Variants in SLC24A2 observed in about 807,000 individuals in gnomAD.
SLC24A2 encodes solute carrier family 24 member 2.
In SLC24A2, 36 loss-of-function variants were observed where a neutral mutation model predicts 62.0. That is an observed-to-expected ratio of 0.58 (90% CI 0.44 to 0.77). The LOEUF is 0.77. Ranked by LOEUF, SLC24A2 falls within the 30% of genes least tolerant of loss-of-function variation. The pLI is 0.00. For missense variants in SLC24A2, 846 were observed against 817.9 expected (o/e 1.03, Z -0.42); for synonymous variants, 358 against 294.0 (o/e 1.22, Z -2.23).
At chr9:20,132,097 A>G in the SLC24A2 span, among the ~76,000 whole-genome samples, 1 of 152,064 alleles carries the variant, frequency 6.6e-6, no homozygotes, top group Non-Finnish European at 1.5e-5. Context: ...TAGCGTCCTC[A>G]TGAGGCAAAC....
the SLC24A2 span, among the ~76,000 whole-genome samples, chr9:20,026,434 A>G: frequency 1.3e-5 from 2 of 152,222 alleles, no homozygotes; most frequent in Non-Finnish European, 2.9e-5. Flanking sequence ...CTATTATTTT[A>G]TCACATTTAA....
the SLC24A2 span, among the ~76,000 whole-genome samples, chr9:19,961,804 C>T: frequency 3.3e-5 from 5 of 152,182 alleles, no homozygotes; most frequent in Non-Finnish European, 7.3e-5. Context: ...TTGTGAGCAG[C>T]GCCATGGGAA....
At position 19,516,100 on chromosome 9, in the gene SLC24A2, C is replaced by G. The variant is rs750488740; in HGVS notation, c.*53G>C. 1.5e-5 allele frequency: 24 copies of G among 1,611,402 alleles called. No individual in the cohort carries two copies. The highest frequency in any genetic ancestry group is 2.0e-5 in the Non-Finnish European group (24 of 1,178,300). ...CTCAAGAGGTCAAGGAGCCCAGAGC[C>G]CAGAGTGTGGAGGGACCATTCATGC... is the stretch of plus-strand genomic sequence containing the variant. On this transcript the variant is annotated 3_prime_UTR_variant, in exon 11 of 11. Coordinates refer to ENST00000341998, the MANE Select transcript of SLC24A2 (RefSeq NM_020344.4).
chr9:20,203,632 C>T, the SLC24A2 span, among the ~76,000 whole-genome samples: 22 of 151,706 alleles, frequency 1.5e-4, no homozygotes, highest in African/African-American at 5.1e-4. Flanking sequence ...TCGCTTGGGG[C>T]CAAGAGTTCA....
At chr9:19,738,660 A>C (rs1446614451) in intron 2 of SLC24A2, among the ~76,000 whole-genome samples, 1 of 152,170 alleles carries the variant, frequency 6.6e-6, no homozygotes, top group African/African-American at 2.4e-5. Flanking sequence ...CATCATGTGA[A>C]TATACTACAA....
the SLC24A2 span, among the ~76,000 whole-genome samples, chr9:19,867,578 C>A: frequency 2.0e-5 from 3 of 152,080 alleles, no homozygotes; most frequent in Non-Finnish European, 4.4e-5. Flanking sequence ...TTATCTTGGT[C>A]AGTCTACCCC....
At chr9:19,546,155 C>G (rs1003448211) in intron 8 of SLC24A2, among the ~76,000 whole-genome samples, 2 of 152,216 alleles carry the variant, frequency 1.3e-5, no homozygotes, top group African/African-American at 4.8e-5. Context: ...CTACTGGGAG[C>G]TGTCTCCCAG....
the SLC24A2 span, among the ~76,000 whole-genome samples, chr9:20,175,650 C>T: frequency 6.6e-6 from 1 of 151,988 alleles, no homozygotes; most frequent in East Asian, 1.9e-4. Context: ...ATCTGTCACA[C>T]ACTTTCTTTA....
At chr9:19,541,976 C>T (rs2132710570) in intron 8 of SLC24A2, among the ~76,000 whole-genome samples, 1 of 152,334 alleles carries the variant, frequency 6.6e-6, no homozygotes, top group South Asian at 2.1e-4. Flanking sequence ...TTTCCAGGTG[C>T]CGTCTGTCAC....
At chr9:19,705,841 C>T (rs1439636253) in intron 2 of SLC24A2, among the ~76,000 whole-genome samples, 3 of 152,110 alleles carry the variant, frequency 2.0e-5, no homozygotes, top group Admixed American at 6.5e-5. Context: ...CTGAGGAGAG[C>T]TTTACTTCCA....
the SLC24A2 span, among the ~76,000 whole-genome samples, chr9:20,015,681 C>A: frequency 4.6e-5 from 7 of 152,236 alleles, no homozygotes; most frequent in African/African-American, 1.7e-4. Context: ...TCGTTCCCCA[C>A]CCACTTTCTG....
At chr9:20,099,727 AGAC>A in the SLC24A2 span, among the ~76,000 whole-genome samples, 1 of 152,220 alleles carries the variant, frequency 6.6e-6, no homozygotes, top group African/African-American at 2.4e-5. Context: ...TAGACTAACA[AGAC>A]TTAACTGCAC....
chr9:19,840,801 T>C, the SLC24A2 span, among the ~76,000 whole-genome samples: 18 of 152,340 alleles, frequency 1.2e-4, no homozygotes, highest in African/African-American at 4.1e-4. Flanking sequence ...TTTTATCATC[T>C]TAACGTTAGT....
the SLC24A2 span, among the ~76,000 whole-genome samples, chr9:20,208,091 A>T: frequency 3.9e-5 from 6 of 152,214 alleles, no homozygotes; most frequent in African/African-American, 1.4e-4. Flanking sequence ...GGTCAGCAAG[A>T]TTGGGAAGGA....
intron 2 of SLC24A2, among the ~76,000 whole-genome samples, chr9:19,650,574 G>C (rs1456515956): frequency 6.6e-6 from 1 of 152,148 alleles, no homozygotes; most frequent in East Asian, 1.9e-4. Context: ...AGCAGCTTGT[G>C]GCTATGAAAG....
chr9:19,940,395 A>G, the SLC24A2 span, among the ~76,000 whole-genome samples: 1 of 152,194 alleles, frequency 6.6e-6, no homozygotes, highest in African/African-American at 2.4e-5. Context: ...TACTTCATAC[A>G]TTGGCCTAGA....
At chr9:19,939,534 C>A in the SLC24A2 span, among the ~76,000 whole-genome samples, 1 of 152,180 alleles carries the variant, frequency 6.6e-6, no homozygotes, top group Non-Finnish European at 1.5e-5. Flanking sequence ...GCTTGCAGGA[C>A]TGGAAGGTGC....
At chr9:20,294,025 G>A in the SLC24A2 span, among the ~76,000 whole-genome samples, 2 of 151,992 alleles carry the variant, frequency 1.3e-5, no homozygotes, top group East Asian at 3.9e-4. Context: ...GACCCCCACT[G>A]CTTGTACATT....
Position 19,516,119 on chromosome 9 carries a change from T to C in SLC24A2, c.*34A>G, listed in dbSNP as rs1832912408. On this transcript the variant is annotated 3_prime_UTR_variant, in exon 11 of 11. Coordinates refer to ENST00000341998, the MANE Select transcript of SLC24A2 (RefSeq NM_020344.4). ...CAGAGCCCAGAGTGTGGAGGGACCA[T>C]TCATGCTGCTGGTGCAAGATATGGC... is the stretch of plus-strand genomic sequence containing the variant. 6.2e-7 allele frequency: 1 copy of C among 1,613,420 alleles called. No homozygotes were observed. The highest frequency in any genetic ancestry group is 1.1e-5 in the South Asian group (1 of 90,888).
Sources: gnomAD v4.1 joint callset for allele counts (sites outside exome capture counted in the v4.1 genomes callset) on GRCh38, gnomAD v4.1.1 for gene constraint, MANE v1.5 for transcripts, NCBI Gene and HGNC (gene_info 2026-07-23, HGNC 2026-07-21) for gene names.